Variants in CTNNA3 observed in about 807,000 individuals in gnomAD.
The protein encoded by CTNNA3 is catenin alpha-3.
Under a neutral mutation model 95.7 loss-of-function variants are expected in CTNNA3, and 76 were observed. That is an observed-to-expected ratio of 0.79 (90% CI 0.66 to 0.96). The LOEUF (loss-of-function observed/expected upper bound fraction) is 0.96, where lower values mean the gene tolerates loss of function less well. Ranked by LOEUF, CTNNA3 falls within the 40% of genes least tolerant of loss-of-function variation. The pLI is 0.00. For missense variants in CTNNA3, 1,191 were observed against 1,089.8 expected (o/e 1.09, Z -1.31); for synonymous variants, 431 against 374.4 (o/e 1.15, Z -1.74).
chr10:66,940,900 C>T (rs1299213527), intron 7 of CTNNA3, among the ~76,000 whole-genome samples: 1 of 152,048 alleles, frequency 6.6e-6, no homozygotes, highest in Non-Finnish European at 1.5e-5. Flanking sequence ...CTGTATGCTC[C>T]AATAACAGTA....
At chr10:66,089,393 T>C (rs2081124875) in intron 14 of CTNNA3, among the ~76,000 whole-genome samples, 1 of 151,424 alleles carries the variant, frequency 6.6e-6, no homozygotes, top group African/African-American at 2.4e-5. Flanking sequence ...CTTCCTTCTT[T>C]CCTTCCTTAC....
intron 1 of CTNNA3, among the ~76,000 whole-genome samples, chr10:67,733,376 A>G (rs143167081): frequency 6.6e-6 from 1 of 152,186 alleles, no homozygotes; most frequent in South Asian, 2.1e-4. Flanking sequence ...TATTTCAGAC[A>G]TAATACATCT....
intron 1 of CTNNA3, among the ~76,000 whole-genome samples, chr10:67,721,280 A>G (rs1841178411): frequency 6.6e-6 from 1 of 151,876 alleles, no homozygotes; most frequent in Non-Finnish European, 1.5e-5. Context: ...TCTCTCCATC[A>G]GTTTCAGGTA....
intron 17 of CTNNA3, among the ~76,000 whole-genome samples, chr10:65,947,340 A>G (rs1361739514): frequency 6.6e-6 from 1 of 152,216 alleles, no homozygotes; most frequent in Non-Finnish European, 1.5e-5. Context: ...TAGATGAAAT[A>G]TATCAGTGAA....
chr10:67,760,539 A>G (rs1261598855), intron 1 of CTNNA3, among the ~76,000 whole-genome samples: 1 of 152,182 alleles, frequency 6.6e-6, no homozygotes, highest in Non-Finnish European at 1.5e-5. Context: ...GGTATGGACT[A>G]CCACACACTT....
At position 66,910,099 on chromosome 10, in the gene CTNNA3, A is replaced by G. The variant is rs1330945619; in HGVS notation, c.1048-134575T>C. On this transcript the variant is annotated intron_variant, in intron 7 of 17. Coordinates refer to ENST00000433211, the MANE Select transcript of CTNNA3 (RefSeq NM_013266.4). The stretch of plus-strand genomic sequence containing the variant: ...GTTTATGAAGATTATAATGTTTTAG[A>G]TACATCTTATAGAAGATTTCACCAG... Among the ~76,000 whole-genome samples, 3 of 152,228 alleles carry G rather than the reference A, an allele frequency of 2.0e-5. No individual in the cohort carries two copies. In the East Asian group the frequency reaches 5.8e-4, roughly 29 times the overall value.
intron 5 of CTNNA3, among the ~76,000 whole-genome samples, chr10:67,347,920 C>A (rs1367150222): frequency 1.3e-5 from 2 of 150,940 alleles, no homozygotes; most frequent in Non-Finnish European, 2.9e-5. Flanking sequence ...TAAACACCAA[C>A]ACTACACTCA....
At chr10:66,970,505 G>GGGA (rs1336631133) in intron 7 of CTNNA3, among the ~76,000 whole-genome samples, 4 of 144,636 alleles carry the variant, frequency 2.8e-5, no homozygotes, top group Admixed American at 1.4e-4. Context: ...TCTTGGGTGG[G>GGGA]GGGGGGATAC....
chr10:66,266,460 C>A (rs1346640977), intron 13 of CTNNA3, among the ~76,000 whole-genome samples: 1 of 152,006 alleles, frequency 6.6e-6, no homozygotes, highest in Non-Finnish European at 1.5e-5. Context: ...ATTCTCTATG[C>A]ATTAATTGGT....
chr10:67,419,065 T>C (rs1380163782), intron 5 of CTNNA3, among the ~76,000 whole-genome samples: 1 of 152,196 alleles, frequency 6.6e-6, no homozygotes, highest in Non-Finnish European at 1.5e-5. Flanking sequence ...ATTGACTTTG[T>C]TTCCAATAGT....
chr10:66,922,585 C>T (rs901586163), intron 7 of CTNNA3, among the ~76,000 whole-genome samples: 1 of 152,112 alleles, frequency 6.6e-6, no homozygotes, highest in African/African-American at 2.4e-5. Context: ...GTTGTGATGC[C>T]GACTTAAGGG....
chr10:67,445,615 G>C (rs534205172), intron 5 of CTNNA3, among the ~76,000 whole-genome samples: 1 of 152,110 alleles, frequency 6.6e-6, no homozygotes, highest in Non-Finnish European at 1.5e-5. Context: ...CCGGGGATTA[G>C]ATTTCCAACA....
intron 9 of CTNNA3, among the ~76,000 whole-genome samples, chr10:66,724,450 T>C (rs566255841): frequency 2.6e-5 from 4 of 152,286 alleles, no homozygotes; most frequent in African/African-American, 9.6e-5. Context: ...AGGCTAATCA[T>C]AGCTCATTTA....
At chr10:66,344,628 G>T (rs1304412872) in intron 12 of CTNNA3, among the ~76,000 whole-genome samples, 1 of 152,042 alleles carries the variant, frequency 6.6e-6, no homozygotes. Context: ...TCCTGCCACT[G>T]TTTACTTAAA....
In CTNNA3 at chr10:66,421,897, GATAT is replaced by G. The variant is rs35513829; in HGVS notation, c.1532-42549_1532-42546del. Among the ~76,000 whole-genome samples the G allele has an allele frequency of 1.4e-3, 154 of 108,122 alleles. 6 individuals carry two copies. Among genetic ancestry groups the G allele is most frequent in the African/African-American group, 4.6e-3 (132 of 28,690 alleles). The allele number at this position is 108,122 out of a possible 152,430, so 70.9% of individuals were successfully genotyped here. A position where few individuals can be genotyped will look rare whatever the true frequency, so the allele number is the denominator to read the frequency against. On this transcript the variant is annotated intron_variant, in intron 11 of 17. Transcript: ENST00000433211. ...TTTCTAAGAGCTTCATAATAAATGTGATATATATATATATATATACACACACACA... is the reference window on the plus strand; with the variant it reads ...TTTCTAAGAGCTTCATAATAAATGTGATATATATATATATACACACACACA...
chr10:66,146,593 G>A (rs559953146), intron 13 of CTNNA3, among the ~76,000 whole-genome samples: 45 of 152,144 alleles, frequency 3.0e-4, no homozygotes, highest in African/African-American at 9.9e-4. Context: ...TTTCACTCTC[G>A]TAACTCAGGC....
intron 12 of CTNNA3, among the ~76,000 whole-genome samples, chr10:66,303,084 T>G (rs997908008): frequency 6.6e-6 from 1 of 152,132 alleles, no homozygotes; most frequent in African/African-American, 2.4e-5. Flanking sequence ...TCACAAAAAT[T>G]TACCGCAAAC....
intron 2 of CTNNA3, among the ~76,000 whole-genome samples, chr10:67,609,719 G>C (rs1843397431): frequency 1.3e-5 from 2 of 152,184 alleles, no homozygotes; most frequent in South Asian, 2.1e-4. Flanking sequence ...ACAAATATTT[G>C]TTGGCATTTC....
chr10:66,143,359 G>A (rs1201690619), intron 13 of CTNNA3, among the ~76,000 whole-genome samples: 1 of 152,060 alleles, frequency 6.6e-6, no homozygotes, highest in Non-Finnish European at 1.5e-5. Context: ...AGGGCTAACT[G>A]GTCCATAATT....
Sources: allele counts gnomAD v4.1 joint callset (sites outside exome capture counted in the v4.1 genomes callset), GRCh38; gene constraint gnomAD v4.1.1; transcripts MANE v1.5; gene names NCBI Gene and HGNC (gene_info 2026-07-23, HGNC 2026-07-21).